STK32B: variants seen among roughly 807,000 people sequenced by gnomAD.
STK32B encodes serine/threonine kinase 32B, also known as serine/threonine-protein kinase 32B.
In STK32B, 43 loss-of-function variants were observed where a neutral mutation model predicts 52.6. The ratio of observed to expected loss-of-function variants is 0.82; its 90% CI spans 0.64 to 1.05. The LOEUF (loss-of-function observed/expected upper bound fraction) is 1.05. Ranked by LOEUF, STK32B falls within the 50% of genes least tolerant of loss-of-function variation. The pLI, the probability that STK32B is intolerant of heterozygous loss-of-function variation, is 0.00. For synonymous variants in STK32B, 238 were observed against 204.3 expected (o/e 1.17, Z -1.41); for missense variants, 621 against 534.6 (o/e 1.16, Z -1.59).
At chr4:5,082,009 C>T (rs79846608) in intron 1 of STK32B, among the ~76,000 whole-genome samples, 5,986 of 152,188 alleles carry the variant, frequency 0.039, 386 homozygotes, top group African/African-American at 0.14. Flanking sequence ...AAGCAGTCCC[C>T]CCCAGTTTTT....
At chr4:5,250,179 C>A (rs1725815220) in intron 3 of STK32B, among the ~76,000 whole-genome samples, 2 of 152,098 alleles carry the variant, frequency 1.3e-5, no homozygotes, top group African/African-American at 2.4e-5. Context: ...TAGTTGGATT[C>A]CATGTCTTTG....
intron 9 of STK32B, among the ~76,000 whole-genome samples, chr4:5,461,092 A>G (rs1250399661): frequency 6.6e-6 from 1 of 152,102 alleles, no homozygotes. Flanking sequence ...TCCTAGAGGG[A>G]ATTGCAGAGA....
rs114156771 is a variant in STK32B at position 5,054,904 on chromosome 4, C to T, written c.52+2989C>T. Among the ~76,000 whole-genome samples the T allele has an allele frequency of 9.5e-3, 1,454 of 152,272 alleles. 20 individuals carry two copies. The highest frequency in any genetic ancestry group is 0.032 in the African/African-American group (1,326 of 41,548). On this transcript the variant is annotated intron_variant, in intron 1 of 11. Transcript: ENST00000282908. ...GTGTGCAAGTGGTCATAGCTGTTCA[C>T]GCTCACATGATATATAATAAGCAGA...
At chr4:5,049,611 CATCAGTTAAGGCAGG>C, upstream of STK32B, among the ~76,000 whole-genome samples, 1 of 152,178 alleles carries the variant, frequency 6.6e-6, no homozygotes, top group Admixed American at 6.5e-5. Flanking sequence ...AAGGTAATGT[CATCAGTTAAGGCAGG>C]AACAGGCCAT....
At chr4:5,252,497 G>T (rs1726008820) in intron 3 of STK32B, among the ~76,000 whole-genome samples, 1 of 152,180 alleles carries the variant, frequency 6.6e-6, no homozygotes. Flanking sequence ...GCATTACTGG[G>T]AAGGCAGATG....
chr4:5,301,344 AT>A (rs1412191589), intron 3 of STK32B, among the ~76,000 whole-genome samples: 1 of 152,110 alleles, frequency 6.6e-6, no homozygotes, highest in East Asian at 1.9e-4. Flanking sequence ...GAAGATTGTT[AT>A]TAGCTCTTCT....
At chr4:5,055,739 T>A (rs1470670250) in intron 1 of STK32B, among the ~76,000 whole-genome samples, 2 of 152,096 alleles carry the variant, frequency 1.3e-5, no homozygotes, top group African/African-American at 2.4e-5. Flanking sequence ...CTGCCCCTCT[T>A]GCCCGAGGGC....
chr4:5,185,458 G>A (rs947083890), intron 3 of STK32B, among the ~76,000 whole-genome samples: 1 of 152,220 alleles, frequency 6.6e-6, no homozygotes, highest in African/African-American at 2.4e-5. Flanking sequence ...CATTTTAAGT[G>A]TTGAGAGCTT....
intron 3 of STK32B, among the ~76,000 whole-genome samples, chr4:5,191,285 CTGT>C (rs1002295449): frequency 2.0e-5 from 3 of 150,510 alleles, no homozygotes; most frequent in Admixed American, 6.6e-5. Flanking sequence ...GAGTCTCGCT[CTGT>C]CACCCAGGCT....
chr4:5,234,180 G>A (rs1487174098), intron 3 of STK32B, among the ~76,000 whole-genome samples: 1 of 152,182 alleles, frequency 6.6e-6, no homozygotes, highest in South Asian at 2.1e-4. Context: ...GAAGCGTTGT[G>A]TAGTACAAGT....
the STK32B span, among the ~76,000 whole-genome samples, chr4:5,029,620 G>T: frequency 6.6e-6 from 1 of 152,130 alleles, no homozygotes; most frequent in Non-Finnish European, 1.5e-5. Context: ...CCTGGAAGCC[G>T]GTCCTCCCCG....
intron 8 of STK32B, among the ~76,000 whole-genome samples, chr4:5,457,215 T>TC (rs199848744): frequency 1.1e-4 from 16 of 146,208 alleles, no homozygotes; most frequent in African/African-American, 2.5e-4. Context: ...TTTTTTTCTT[T>TC]TTTTTTTTTT....
Position 5,177,996 on chromosome 4 carries a change from G to A in STK32B, c.260+9546G>A, listed in dbSNP as rs1272240651. On this transcript the variant is annotated intron_variant, in intron 3 of 11. Coordinates refer to ENST00000282908, the MANE Select transcript of STK32B (RefSeq NM_018401.3). The stretch of plus-strand genomic sequence containing the variant: ...TTTGTCAGTGTATCTGCCATTCTGG[G>A]GTCTGGAGGACAGTGGCTGTCTTCT... Among the ~76,000 whole-genome samples the A allele has an allele frequency of 2.6e-5, 4 of 152,260 alleles. No homozygotes were observed. The South Asian group carries it at 6.2e-4, about 24-fold the overall frequency.
chr4:5,497,980 C>T (rs1007885813), intron 11 of STK32B, among the ~76,000 whole-genome samples: 21 of 152,126 alleles, frequency 1.4e-4, no homozygotes, highest in African/African-American at 5.1e-4. Context: ...ATTCCCAGCC[C>T]TATACTAGAT....
At chr4:5,443,922 G>A (rs910610553) in intron 6 of STK32B, among the ~76,000 whole-genome samples, 3 of 152,158 alleles carry the variant, frequency 2.0e-5, no homozygotes, top group African/African-American at 4.8e-5. Flanking sequence ...CGGTGGTCAG[G>A]GGTCAGGCAC....
chr4:5,170,442 A>G (rs1438865249), intron 3 of STK32B, among the ~76,000 whole-genome samples: 1 of 152,046 alleles, frequency 6.6e-6, no homozygotes, highest in East Asian at 1.9e-4. Context: ...TATATCTCCT[A>G]ATGCTATCGC....
At chr4:5,489,621 A>ATTTT (rs1193462359) in intron 11 of STK32B, among the ~76,000 whole-genome samples, 1 of 151,588 alleles carries the variant, frequency 6.6e-6, no homozygotes, top group East Asian at 2.0e-4. Context: ...TATTTTATTT[A>ATTTT]TTTTTTATTA....
rs1716581267 is a variant in STK32B, at chr4:5,456,921, A to G, written c.781A>G (p.Lys261Glu). The G allele has an allele frequency of 1.9e-6, 3 of 1,543,100 alleles. No individual in the cohort carries two copies. The highest frequency in any genetic ancestry group is 1.2e-5 in the South Asian group (1 of 80,632). Residue 261 changes from lysine (K) to glutamate (E), a missense_variant and splice_region_variant, in exon 8 of 12, where the codon AAG (lysine) becomes GAG (glutamate). Physicochemically the swap from Lys to Glu is moderately conservative, Grantham distance 56 (BLOSUM62 1). Transcript: ENST00000282908. Reference protein sequence around the residue: ...WCKGMVALLRKLLTKDPESRV... With the variant: ...WCKGMVALLRELLTKDPESRV... ...CAAGGGGATGGTGGCCCTGCTGAGG[A>G]AGGTAAGGGGGCAGCTTCCAGCCTG...
At chr4:5,030,461 T>G in the STK32B span, among the ~76,000 whole-genome samples, 1 of 152,230 alleles carries the variant, frequency 6.6e-6, no homozygotes, top group African/African-American at 2.4e-5. Flanking sequence ...TCTGCCATGC[T>G]GTCATATCCT....
Sources: gnomAD v4.1 joint callset for allele counts (sites outside exome capture counted in the v4.1 genomes callset) on GRCh38, gnomAD v4.1.1 for gene constraint, MANE v1.5 for transcripts, NCBI Gene and HGNC (gene_info 2026-07-23, HGNC 2026-07-21) for gene names.